Variants in ASCC3 observed in about 807,000 individuals in gnomAD.
ASCC3 encodes the protein ASC-1 complex subunit P200.
Under a neutral mutation model 256.3 loss-of-function variants are expected in ASCC3, and 158 were observed. The ratio of observed to expected loss-of-function variants is 0.62; its 90% CI spans 0.54 to 0.70. The LOEUF is 0.70. ASCC3 is among the 30% of genes least tolerant of loss of function. The pLI is 0.00. For missense variants in ASCC3, 2,259 were observed against 2,626.0 expected, an observed-to-expected ratio of 0.86 and a Z score of 3.05; for synonymous variants, 948 against 883.4, an observed-to-expected ratio of 1.07 and a Z score of -1.30.
intron 37 of ASCC3, among the ~76,000 whole-genome samples, chr6:100,538,809 A>G (rs990104884): frequency 1.3e-5 from 2 of 151,986 alleles, no homozygotes; most frequent in Non-Finnish European, 1.5e-5. Flanking sequence ...AGACTAACTT[A>G]CTCTACCTTT....
intron 14 of ASCC3, among the ~76,000 whole-genome samples, chr6:100,670,926 T>G (rs551332241): frequency 1.3e-5 from 2 of 152,132 alleles, no homozygotes; most frequent in East Asian, 3.9e-4. Flanking sequence ...TCCATCAATA[T>G]AGGATTCCAT....
intron 10 of ASCC3, among the ~76,000 whole-genome samples, chr6:100,742,764 GC>G (rs1780496968): frequency 6.6e-6 from 1 of 152,204 alleles, no homozygotes; most frequent in African/African-American, 2.4e-5. Context: ...AGAGAAGGCA[GC>G]CCCCATCCTC....
At chr6:100,598,362 T>G (rs1772422296) in intron 34 of ASCC3, among the ~76,000 whole-genome samples, 2 of 152,168 alleles carry the variant, frequency 1.3e-5, no homozygotes, top group African/African-American at 4.8e-5. Flanking sequence ...TAAAGAATAC[T>G]CATTTATTTA....
At chr6:100,783,428 C>T (rs553063779) in intron 8 of ASCC3, among the ~76,000 whole-genome samples, 1 of 152,276 alleles carries the variant, frequency 6.6e-6, no homozygotes, top group African/African-American at 2.4e-5. Flanking sequence ...AACTGCAAGC[C>T]TAAATCACAT....
intron 19 of ASCC3, 116 bp downstream of exon 19, chr6:100,651,444 C>T (rs1582635194): frequency 2.4e-6 from 1 of 413,704 alleles, no homozygotes; most frequent in South Asian, 6.0e-5. Context: ...AAGAACATTG[C>T]TGATATTCCA....
At chr6:100,516,365 A>G (rs1774030034) in intron 38 of ASCC3, 38 bp from the exon 39 acceptor site, 1 of 1,612,208 alleles carries the variant, frequency 6.2e-7, no homozygotes, top group Non-Finnish European at 8.5e-7. Context: ...TAATTGTTTC[A>G]CAGCACAAAG....
chr6:100,836,934 A>C (rs1488941947), intron 4 of ASCC3, among the ~76,000 whole-genome samples: 1 of 151,990 alleles, frequency 6.6e-6, no homozygotes, highest in Admixed American at 6.6e-5. Context: ...GTCTGTTCAG[A>C]TTTTCTGGTT....
At chr6:100,683,155 G>T (rs893318776) in intron 13 of ASCC3, among the ~76,000 whole-genome samples, 4 of 152,024 alleles carry the variant, frequency 2.6e-5, no homozygotes, top group Non-Finnish European at 5.9e-5. Context: ...TGAAATATCA[G>T]GAAATTTTAA....
At chr6:100,771,215 AATGG>A (rs1343747659) in intron 8 of ASCC3, among the ~76,000 whole-genome samples, 3 of 152,156 alleles carry the variant, frequency 2.0e-5, no homozygotes. Context: ...TGCTAGAACA[AATGG>A]ATATACACGT....
chr6:100,648,576 A>G (rs1408812035), intron 20 of ASCC3, among the ~76,000 whole-genome samples: 1 of 152,024 alleles, frequency 6.6e-6, no homozygotes, highest in Non-Finnish European at 1.5e-5. Context: ...AAATTAAAGT[A>G]CAAAATGGTA....
chr6:100,743,678 A>T (rs1163062496), intron 10 of ASCC3, among the ~76,000 whole-genome samples: 1 of 152,226 alleles, frequency 6.6e-6, no homozygotes, highest in Non-Finnish European at 1.5e-5. Context: ...AGCCTCATTT[A>T]TCAATATACT....
intron 13 of ASCC3, among the ~76,000 whole-genome samples, chr6:100,685,977 C>A (rs1424884352): frequency 1.3e-5 from 2 of 152,170 alleles, no homozygotes; most frequent in African/African-American, 4.8e-5. Context: ...AAATAACTTT[C>A]CATATTTAGT....
rs1773909860 is a variant in ASCC3, at chr6:100,620,767, C to T, written c.4785+4425G>A. Among the ~76,000 whole-genome samples, 3 of 152,268 alleles carry T rather than the reference C, an allele frequency of 2.0e-5. 1 individual carries two copies. The South Asian group carries it at 6.2e-4, about 32-fold the overall frequency. ...CCTGCCACAGAACATCAATTTAACA[C>T]TACACAAGGAGCAGCAATGGAAGCA... On this transcript the variant is annotated intron_variant, in intron 30 of 41. Coordinates refer to ENST00000369162, the MANE Select transcript of ASCC3 (RefSeq NM_006828.4).
intron 37 of ASCC3, among the ~76,000 whole-genome samples, chr6:100,531,256 G>A (rs971654182): frequency 5.8e-4 from 88 of 152,206 alleles, no homozygotes; most frequent in African/African-American, 2.0e-3. Flanking sequence ...AGTCTGGGCT[G>A]CTCTAAACAT....
At chr6:100,789,656 C>T (rs1276611959) in intron 8 of ASCC3, among the ~76,000 whole-genome samples, 6 of 151,778 alleles carry the variant, frequency 4.0e-5, no homozygotes, top group South Asian at 2.1e-4. Context: ...CTGTTAAAAA[C>T]GTATAAGTTT....
chr6:100,764,270 G>T (rs9377214), intron 10 of ASCC3, among the ~76,000 whole-genome samples: 1 of 152,044 alleles, frequency 6.6e-6, no homozygotes. Context: ...ATGGTGCTAC[G>T]GGATTCAGGG....
At chr6:100,828,092 T>TAAAAAAAAAAAAA (rs10684305) in intron 4 of ASCC3, among the ~76,000 whole-genome samples, 3 of 125,348 alleles carry the variant, frequency 2.4e-5, no homozygotes, top group Non-Finnish European at 4.9e-5. Context: ...CAGTATTTTC[T>TAAAAAAAAAAAAA]AAAAAAAAAA....
chr6:100,713,494 A>G (rs989553735), intron 13 of ASCC3, among the ~76,000 whole-genome samples: 2 of 152,188 alleles, frequency 1.3e-5, no homozygotes, highest in African/African-American at 4.8e-5. Flanking sequence ...AAATACATGT[A>G]ATTATACATT....
intron 1 of ASCC3, among the ~76,000 whole-genome samples, chr6:100,869,522 T>C (rs1018201596): frequency 6.6e-6 from 1 of 152,158 alleles, no homozygotes; most frequent in African/African-American, 2.4e-5. Flanking sequence ...AATAAAAATA[T>C]ATACTTGTTA....
Sources: allele counts gnomAD v4.1 joint callset (sites outside exome capture counted in the v4.1 genomes callset), GRCh38; gene constraint gnomAD v4.1.1; transcripts MANE v1.5; gene names NCBI Gene and HGNC (gene_info 2026-07-23, HGNC 2026-07-21).